The following CD4 variants were observed in gnomAD, a reference collection of about 807,000 sequenced individuals.
CD4 encodes CD4 molecule, also known as T-cell surface glycoprotein CD4.
Under a neutral mutation model 50.5 loss-of-function variants are expected in CD4, and 25 were observed. The ratio of observed to expected loss-of-function variants is 0.49; its 90% CI spans 0.36 to 0.69. The LOEUF is 0.69. Among genes scored for constraint, CD4 ranks in the 30% least tolerant of loss-of-function variants. The pLI is 0.00. For missense variants in CD4, 456 were observed against 548.5 expected (o/e 0.83, Z 1.68); for synonymous variants, 207 against 221.9 (o/e 0.93, Z 0.60).
At chr12:6,798,650 A>G (rs1468383052) in intron 1 of CD4, among the ~76,000 whole-genome samples, 1 of 152,192 alleles carries the variant, frequency 6.6e-6, no homozygotes, top group African/African-American at 2.4e-5. Context: ...TAGACACAGT[A>G]ACAATCTGAT....
chr12:6,801,708 A>T (rs113389043), intron 3 of CD4, among the ~76,000 whole-genome samples: 1 of 132,348 alleles, frequency 7.6e-6, no homozygotes, highest in African/African-American at 2.8e-5. Flanking sequence ...CTACAGGCGT[A>T]TGCCACCATG....
rs189212854 is a variant in CD4 at position 6,818,964 on chromosome 12, G to A, written c.1346+50G>A. The A allele has an allele frequency of 2.5e-6, 2 of 785,188 alleles. No individual in the cohort carries two copies. The highest frequency in any genetic ancestry group is 2.1e-6 in the Non-Finnish European group (1 of 472,500). The allele number at this position is 785,188 out of a possible 1,614,324, so 48.6% of individuals were successfully genotyped here. On this transcript the variant is annotated intron_variant, in intron 9 of 9. Coordinates refer to ENST00000011653, the MANE Select transcript of CD4 (RefSeq NM_000616.5). This position sits in a 1 kb window ranked among gnomAD's most constrained non-coding sequence, Gnocchi z 5.0. ...AGAGAGGGGAAAGGGGGAGGGGGAG[G>A]GAGTTAGAGAGGAGGGGGAGGAAGG...
intron 3 of CD4, among the ~76,000 whole-genome samples, chr12:6,802,054 A>G (rs1370760466): frequency 1.3e-5 from 2 of 150,642 alleles, no homozygotes; most frequent in Non-Finnish European, 3.0e-5. Context: ...GCGTATTTTT[A>G]GTAGAGACCG....
At chr12:6,815,994 C>T (rs782763953) in intron 5 of CD4, 62 bp from the exon 6 acceptor site, 7 of 1,604,394 alleles carry the variant, frequency 4.4e-6, no homozygotes, top group Non-Finnish European at 5.1e-6. Flanking sequence ...ACATGCCAAC[C>T]CCACTCGTGC....
intron 1 of CD4, among the ~76,000 whole-genome samples, chr12:6,791,802 A>G (rs1942170626): frequency 6.6e-6 from 1 of 152,122 alleles, no homozygotes; most frequent in Non-Finnish European, 1.5e-5. Context: ...GGATTGCTTG[A>G]GCCTGGGAGA....
At position 6,800,418 on chromosome 12, in the gene CD4, A is replaced by G. The variant is rs782107070; in HGVS notation, c.161A>G (p.Lys54Arg). Residue 54 changes from lysine (K) to arginine (R), a missense_variant, in exon 3 of 10, where the codon AAA (lysine) becomes AGA (arginine). Physicochemically the swap from Lys to Arg is conservative, Grantham distance 26 (BLOSUM62 2). Transcript: ENST00000011653. Reference sequence around the variant, plus strand: ...AAGAAGAGCATACAATTCCACTGGAAAAACTCCAACCAGATAAAGATTCTG... The same window carrying G: ...AAGAAGAGCATACAATTCCACTGGAGAAACTCCAACCAGATAAAGATTCTG... ...SQKKSIQFHWKNSNQIKILGN... is the reference protein window; with the variant it reads ...SQKKSIQFHWRNSNQIKILGN... 1 of 1,614,230 alleles carries G rather than the reference A, an allele frequency of 6.2e-7. No individual in the cohort carries two copies. The highest frequency in any genetic ancestry group is 8.5e-7 in the Non-Finnish European group (1 of 1,180,024).
rs1450224083 is a variant in CD4 at position 6,801,232 on chromosome 12, A to G, written c.214+761A>G. On this transcript the variant is annotated intron_variant, in intron 3 of 9. Transcript: ENST00000011653. Reference sequence around the variant, plus strand: ...AAAAAAATTTTTTTAATTAAAAAAAAAAAGGCCGGCTGTAGTGGCTCACAC... The same window carrying G: ...AAAAAAATTTTTTTAATTAAAAAAAGAAAGGCCGGCTGTAGTGGCTCACAC... Among the ~76,000 whole-genome samples, 3 of 151,740 alleles carry G rather than the reference A, an allele frequency of 2.0e-5. No individual in the cohort carries two copies. The East Asian group carries it at 5.8e-4, about 30-fold the overall frequency.
intron 3 of CD4, among the ~76,000 whole-genome samples, chr12:6,812,334 G>A (rs1212603410): frequency 6.6e-6 from 1 of 152,138 alleles, no homozygotes; most frequent in African/African-American, 2.4e-5. Context: ...AGGAGGCAGA[G>A]GTTACAATGA....
Position 6,814,875 on chromosome 12 carries a change from CA to C in CD4, c.491del (p.Gln164ArgfsTer34), listed in dbSNP as rs782349263. 44 of 1,613,436 alleles carry C rather than the reference CA, an allele frequency of 2.7e-5. No individual in the cohort carries two copies. Among genetic ancestry groups the C allele is most frequent in the Admixed American group, 1.3e-4 (8 of 59,934 alleles). On this transcript the variant is annotated frameshift_variant, in exon 5 of 10. Coordinates refer to ENST00000011653, the MANE Select transcript of CD4 (RefSeq NM_000616.5). LOFTEE classifies it high-confidence loss of function. ...QCRSPRGKNI[Q>X]GGKTLSVSQL... Reference sequence around the variant, plus strand: ...TAGGAGTCCAAGGGGTAAAAACATACAGGGGGGGAAGACCCTCTCCGTGTCT... The same window carrying C: ...TAGGAGTCCAAGGGGTAAAAACATACGGGGGGGAAGACCCTCTCCGTGTCT...
At chr12:6,814,631 G>A (rs879983248) in intron 4 of CD4, 128 bp from the exon 5 acceptor site, 8 of 804,200 alleles carry the variant, frequency 9.9e-6, no homozygotes, top group South Asian at 1.4e-5. Flanking sequence ...CTGGGGGTGC[G>A]CAGCTGGGTG....
chr12:6,792,363 TTCTC>T lies in CD4; in HGVS notation c.-68+2702_-68+2705del, dbSNP rs1942186713. ...GTGTTGCCATTTTGGTCTCTTCTCT[TTCTC>T]AGTCTCTCTTTGCCTCACTTTGGAT... On this transcript the variant is annotated intron_variant, in intron 1 of 9. Coordinates refer to ENST00000011653, the MANE Select transcript of CD4 (RefSeq NM_000616.5). The surrounding 1 kb of genome is among the most constrained non-coding windows in gnomAD (Gnocchi z 4.1). Among the ~76,000 whole-genome samples the T allele has an allele frequency of 2.0e-5, 3 of 152,160 alleles. No homozygotes were observed. The highest frequency in any genetic ancestry group is 2.9e-5 in the Non-Finnish European group (2 of 68,022).
At chr12:6,804,797 A>G (rs1450978509) in intron 3 of CD4, among the ~76,000 whole-genome samples, 6 of 151,868 alleles carry the variant, frequency 4.0e-5, no homozygotes, top group Non-Finnish European at 8.8e-5. Context: ...CGGGCGGATC[A>G]TGAGGTCAGG....
At chr12:6,809,306 G>A (rs1032756509) in intron 3 of CD4, among the ~76,000 whole-genome samples, 2 of 152,054 alleles carry the variant, frequency 1.3e-5, no homozygotes, top group Non-Finnish European at 2.9e-5. Flanking sequence ...GACCAGCCTG[G>A]GCAACAGGGC....
rs143807641 is a variant in CD4, at chr12:6,814,278, G to A, written c.351G>A (p.Glu117=). ...YICEVEDQKE[E]VQLLVFGLTA... is the part of the protein sequence containing the mutation. ...GTGAAGTGGAGGACCAGAAGGAGGAGGTGCAATTGCTAGTGTTCGGATGTG... is the reference window on the plus strand; with the variant it reads ...GTGAAGTGGAGGACCAGAAGGAGGAAGTGCAATTGCTAGTGTTCGGATGTG... Residue 117 remains glutamate, a synonymous_variant, in exon 4 of 10, where the codon GAG becomes GAA. Transcript: ENST00000011653. 29 of 1,613,976 alleles carry A rather than the reference G, an allele frequency of 1.8e-5. No individual in the cohort carries two copies. The East Asian group carries it at 6.0e-4, about 33-fold the overall frequency.
chr12:6,802,585 G>T (rs782022969), intron 3 of CD4, among the ~76,000 whole-genome samples: 2 of 152,118 alleles, frequency 1.3e-5, no homozygotes, highest in Non-Finnish European at 2.9e-5. Flanking sequence ...TGGGATTATA[G>T]GTATGAGCCA....
At chr12:6,793,620 C>T (rs994431813) in intron 1 of CD4, among the ~76,000 whole-genome samples, 18 of 152,024 alleles carry the variant, frequency 1.2e-4, no homozygotes, top group Non-Finnish European at 1.5e-5. Flanking sequence ...TCCTACTTCC[C>T]CGGTTTAAAC....
intron 1 of CD4, among the ~76,000 whole-genome samples, chr12:6,795,213 C>G (rs1473570333): frequency 6.6e-6 from 1 of 151,888 alleles, no homozygotes; most frequent in Non-Finnish European, 1.5e-5. Flanking sequence ...GTATGTTTAT[C>G]TAATCTATTT....
At chr12:6,815,458 T>G (rs28917507) in intron 5 of CD4, among the ~76,000 whole-genome samples, 70 of 152,300 alleles carry the variant, frequency 4.6e-4, no homozygotes, top group Admixed American at 2.9e-3. Flanking sequence ...TCCTGTCCCC[T>G]GGGTGCTTAT....
At position 6,818,512 on chromosome 12, in the gene CD4, C is replaced by T; in HGVS notation, c.1248C>T (p.Ile416=). 1 of 1,613,108 alleles carries T rather than the reference C, an allele frequency of 6.2e-7. No homozygotes were observed. The highest frequency in any genetic ancestry group is 8.5e-7 in the Non-Finnish European group (1 of 1,180,028). The change falls in exon 8 of 10, where the codon ATC becomes ATT. Residue 416 remains isoleucine, a synonymous_variant. Coordinates refer to ENST00000011653, the MANE Select transcript of CD4 (RefSeq NM_000616.5). The surrounding 1 kb of genome is among the most constrained non-coding windows in gnomAD (Gnocchi z 5.0). ...TCCTGCTTTTCATTGGGCTAGGCAT[C>T]TTCTTCTGTGTCAGGTGCCGGCACC... ...AGLLLFIGLG[I]FFCVRCRHRR... is the part of the protein sequence containing the mutation.
Sources: gnomAD v4.1 joint callset for allele counts (sites outside exome capture counted in the v4.1 genomes callset) on GRCh38, gnomAD v4.1.1 for gene constraint, Gnocchi (gnomAD v3.1) non-coding constraint, MANE v1.5 for transcripts, NCBI Gene and HGNC (gene_info 2026-07-23, HGNC 2026-07-21) for gene names.